Variants in TAF1B observed in about 807,000 individuals in gnomAD.
TAF1B encodes the protein TATA box-binding protein-associated factor RNA polymerase I subunit B.
In TAF1B, 61 loss-of-function variants were observed where a neutral mutation model predicts 83.9. The observed-to-expected ratio is 0.73, with a 90% CI of 0.59 to 0.90. The LOEUF (loss-of-function observed/expected upper bound fraction) is 0.90, where lower values mean the gene tolerates loss of function less well. TAF1B is among the 40% of genes least tolerant of loss of function. TAF1B has a pLI of 0.00. For synonymous variants in TAF1B, 221 were observed against 224.6 expected (o/e 0.98, Z 0.14); for missense variants, 625 against 677.0 (o/e 0.92, Z 0.85).
intron 8 of TAF1B, among the ~76,000 whole-genome samples, chr2:9,884,557 G>C (rs62127140): frequency 0.18 from 27,366 of 152,220 alleles, 3,133 homozygotes; most frequent in East Asian, 0.31. Context: ...CTGCAGCCAG[G>C]GTATCCTGAT....
At chr2:9,873,745 A>G (rs541028449) in intron 6 of TAF1B, among the ~76,000 whole-genome samples, 9 of 150,836 alleles carry the variant, frequency 6.0e-5, no homozygotes, top group African/African-American at 1.7e-4. Context: ...TTTACATCCA[A>G]TCTATCAGCA....
chr2:9,933,412 ATTTGT>A (rs1666277312), intron 14 of TAF1B, among the ~76,000 whole-genome samples: 1 of 152,148 alleles, frequency 6.6e-6, no homozygotes, highest in African/African-American at 2.4e-5. Flanking sequence ...GTCAGGAATT[ATTTGT>A]TTTCTTTAGT....
intron 6 of TAF1B, among the ~76,000 whole-genome samples, chr2:9,874,901 C>G (rs1044965593): frequency 6.6e-6 from 1 of 151,776 alleles, no homozygotes; most frequent in African/African-American, 2.4e-5. Context: ...ATTGTGTATC[C>G]TTTCCTTTAT....
In TAF1B at chr2:9,914,317, C is replaced by G. The variant is rs1453806008; in HGVS notation, c.1271+1068C>G. Among the ~76,000 whole-genome samples, 1 of 152,014 alleles carries G rather than the reference C, an allele frequency of 6.6e-6. No homozygotes were observed. The highest frequency in any genetic ancestry group is 1.5e-5 in the Non-Finnish European group (1 of 68,008). ...CAACAGCCCATGGATTCCCAGGAAACCAGGCTCCCTGCCTCCTCATCAGAG... is the reference window on the plus strand; with the variant it reads ...CAACAGCCCATGGATTCCCAGGAAAGCAGGCTCCCTGCCTCCTCATCAGAG... On this transcript the variant is annotated intron_variant, in intron 12 of 14. Transcript: ENST00000263663. The surrounding 1 kb of genome is among the most constrained non-coding windows in gnomAD (Gnocchi z 4.3).
intron 5 of TAF1B, among the ~76,000 whole-genome samples, chr2:9,861,445 T>C (rs1663755188): frequency 6.6e-6 from 1 of 152,202 alleles, no homozygotes; most frequent in Admixed American, 6.5e-5. Context: ...ACAAAGCTGC[T>C]GGGAAGCTCG....
At chr2:9,862,354 G>A (rs1451677581) in intron 5 of TAF1B, among the ~76,000 whole-genome samples, 1 of 152,138 alleles carries the variant, frequency 6.6e-6, no homozygotes, top group Non-Finnish European at 1.5e-5. Context: ...CATGATGGAA[G>A]ATGAAATGAA....
intron 8 of TAF1B, among the ~76,000 whole-genome samples, chr2:9,895,271 G>A (rs902846930): frequency 3.3e-5 from 5 of 152,180 alleles, no homozygotes; most frequent in African/African-American, 7.2e-5. Flanking sequence ...AAGCTGAGGC[G>A]GGAGTATCCC....
intron 14 of TAF1B, among the ~76,000 whole-genome samples, chr2:9,928,359 T>A (rs1194773686): frequency 6.6e-6 from 1 of 152,232 alleles, no homozygotes; most frequent in East Asian, 1.9e-4. Flanking sequence ...TCTTTTTTGG[T>A]TCCATATGAA....
rs1664654660 is a variant in TAF1B, at chr2:9,885,742, C to T, written c.807+2937C>T. ...TGTATGTCTCCCTTCTTTCTCCCCA[C>T]GCCCCCCCCCACTTTGTCCTTCTCT... On this transcript the variant is annotated intron_variant, in intron 8 of 14. Transcript: ENST00000263663. Among the ~76,000 whole-genome samples, 4 of 148,748 alleles carry T rather than the reference C, an allele frequency of 2.7e-5. No homozygotes were observed. In the South Asian group the frequency reaches 6.3e-4, roughly 23 times the overall value.
intron 6 of TAF1B, among the ~76,000 whole-genome samples, chr2:9,873,985 C>G (rs192125104): frequency 1.3e-4 from 20 of 152,208 alleles, no homozygotes; most frequent in Admixed American, 1.2e-3. Context: ...CCAGAAACTT[C>G]TTAGAATAAA....
chr2:9,857,376 A>G (rs981962813), intron 5 of TAF1B, among the ~76,000 whole-genome samples: 3 of 152,210 alleles, frequency 2.0e-5, no homozygotes, highest in African/African-American at 4.8e-5. Context: ...CTGAAGATAG[A>G]GCCAACAGAA....
chr2:9,854,016 C>A, intron 4 of TAF1B, among the ~76,000 whole-genome samples: 1 of 152,090 alleles, frequency 6.6e-6, no homozygotes, highest in Non-Finnish European at 1.5e-5. Flanking sequence ...TAAGGAAAGG[C>A]AGGTAAGAAT....
At chr2:9,879,832 C>T (rs1242284295) in intron 7 of TAF1B, among the ~76,000 whole-genome samples, 1 of 152,084 alleles carries the variant, frequency 6.6e-6, no homozygotes, top group Non-Finnish European at 1.5e-5. Context: ...CAGTGGTTTT[C>T]AATATGTTTT....
chr2:9,857,960 C>G (rs1320811519), intron 5 of TAF1B, among the ~76,000 whole-genome samples: 1 of 152,056 alleles, frequency 6.6e-6, no homozygotes, highest in Non-Finnish European at 1.5e-5. Flanking sequence ...CACCCCTGCC[C>G]CCTGCCAAAT....
chr2:9,917,077 C>G (rs931247896), intron 12 of TAF1B, among the ~76,000 whole-genome samples: 6 of 152,048 alleles, frequency 3.9e-5, no homozygotes, highest in African/African-American at 1.4e-4. Flanking sequence ...AACTCCCAAC[C>G]TCAGGTGATC....
At chr2:9,844,863 G>A (rs1475096038) in intron 1 of TAF1B, among the ~76,000 whole-genome samples, 10 of 152,110 alleles carry the variant, frequency 6.6e-5, no homozygotes, top group Admixed American at 6.5e-4. Context: ...TCCTGGAGGA[G>A]TTCCAAATTG....
At chr2:9,898,856 G>A (rs1470829621) in intron 8 of TAF1B, among the ~76,000 whole-genome samples, 2 of 151,192 alleles carry the variant, frequency 1.3e-5, no homozygotes, top group Non-Finnish European at 2.9e-5. Flanking sequence ...TAAATTTCCA[G>A]CTTTATTACA....
chr2:9,901,497 C>T (rs1665177836), intron 8 of TAF1B, among the ~76,000 whole-genome samples: 1 of 152,150 alleles, frequency 6.6e-6, no homozygotes, highest in African/African-American at 2.4e-5. Flanking sequence ...AATTGCTTCT[C>T]ATTAGTGACC....
At position 9,904,958 on chromosome 2, in the gene TAF1B, C is replaced by A; in HGVS notation, c.907C>A (p.His303Asn). 6.2e-7 allele frequency: 1 copy of A among 1,612,692 alleles called. No individual in the cohort carries two copies. The highest frequency in any genetic ancestry group is 8.5e-7 in the Non-Finnish European group (1 of 1,178,752). ...AGACATAACTGAAGACTGCTATCTT[C>A]ATCCCAACATACTGTGTATGAAATA... Reference protein sequence around the residue: ...FPDITEDCYLHPNILCMKYLM... With the variant: ...FPDITEDCYLNPNILCMKYLM... The change falls in exon 9 of 15, where the codon CAT becomes AAT. Residue 303 changes from histidine (H) to asparagine (N), a missense_variant. Coordinates refer to ENST00000263663, the MANE Select transcript of TAF1B (RefSeq NM_005680.3).
Sources: gnomAD v4.1 joint callset for allele counts (sites outside exome capture counted in the v4.1 genomes callset) on GRCh38, gnomAD v4.1.1 for gene constraint, Gnocchi (gnomAD v3.1) non-coding constraint, MANE v1.5 for transcripts, NCBI Gene and HGNC (gene_info 2026-07-23, HGNC 2026-07-21) for gene names.